The following SULF1 variants were observed in gnomAD, a reference collection of about 807,000 sequenced individuals.
The protein encoded by SULF1 is sulfatase 1, also known as extracellular sulfatase Sulf-1.
SULF1 carries 46 observed loss-of-function variants against 110.5 expected under a neutral mutation model. The ratio of observed to expected loss-of-function variants is 0.42; its 90% CI spans 0.33 to 0.53. SULF1 has a LOEUF of 0.53. Ranked by LOEUF, SULF1 falls within the 20% of genes least tolerant of loss-of-function variation. The pLI is 0.12. For missense variants in SULF1, 941 were observed against 1,094.2 expected (o/e 0.86, Z 1.98); for synonymous variants, 371 against 387.1 (o/e 0.96, Z 0.49).
At chr8:69,527,909 G>A (rs1001021214) in intron 3 of SULF1, among the ~76,000 whole-genome samples, 2 of 152,114 alleles carry the variant, frequency 1.3e-5, no homozygotes, top group African/African-American at 4.8e-5. Context: ...GAAATGAGAA[G>A]GAGGGAATCT....
At position 69,528,795 on chromosome 8, in the gene SULF1, T is replaced by TTTG. The variant is rs541688520; in HGVS notation, c.-134+26851_-134+26853dup. ...AAGATAGCTGAGGAACCACAGTGGG[T>TTTG]TTGTTGTTGTTGTTGTTGTTGTTGT... On this transcript the variant is annotated intron_variant, in intron 3 of 22. Transcript: ENST00000402687. Among the ~76,000 whole-genome samples the TTTG allele has an allele frequency of 4.5e-3, 680 of 151,756 alleles. 8 individuals carry two copies. The highest frequency in any genetic ancestry group is 0.014 in the African/African-American group (582 of 41,428).
chr8:69,595,518 A>G (rs888088620), intron 8 of SULF1, among the ~76,000 whole-genome samples: 4 of 152,244 alleles, frequency 2.6e-5, no homozygotes, highest in Non-Finnish European at 5.9e-5. Context: ...AAGTCCATTA[A>G]GTAAGTTCAG....
At chr8:69,589,962 C>G (rs1211364665) in intron 8 of SULF1, among the ~76,000 whole-genome samples, 1 of 152,140 alleles carries the variant, frequency 6.6e-6, no homozygotes, top group Non-Finnish European at 1.5e-5. Flanking sequence ...AGACAGGGAA[C>G]AGAAAATTGG....
chr8:69,609,418 A>AC (rs1186243142), intron 13 of SULF1, among the ~76,000 whole-genome samples: 2 of 152,148 alleles, frequency 1.3e-5, no homozygotes, highest in African/African-American at 4.8e-5. Flanking sequence ...ATGCTGATGC[A>AC]CCCCCCAGAC....
chr8:69,534,857 C>G (rs1182740379), intron 3 of SULF1, among the ~76,000 whole-genome samples: 1 of 137,616 alleles, frequency 7.3e-6, no homozygotes, highest in Non-Finnish European at 1.6e-5. Flanking sequence ...TGAATTAATA[C>G]TTAAAGGAAA....
chr8:69,656,210 T>C (rs1239725703), intron 22 of SULF1, among the ~76,000 whole-genome samples: 1 of 152,234 alleles, frequency 6.6e-6, no homozygotes, highest in African/African-American at 2.4e-5. Context: ...AGCACTGGTG[T>C]GTTGTGGTTT....
chr8:69,524,718 T>C (rs1812544604), intron 3 of SULF1, among the ~76,000 whole-genome samples: 1 of 152,222 alleles, frequency 6.6e-6, no homozygotes, highest in Non-Finnish European at 1.5e-5. Context: ...GAATAAATCA[T>C]TGCATTTTGT....
intron 6 of SULF1, among the ~76,000 whole-genome samples, chr8:69,583,151 ATGTTTCTCAGACTGGAGTC>A (rs574635955): frequency 1.0e-3 from 156 of 152,344 alleles, no homozygotes; most frequent in Non-Finnish European, 1.8e-3. Context: ...AAACATTGCC[ATGTTTCTCAGACTGGAGTC>A]TAGATTCTTT....
At chr8:69,499,388 A>G (rs1423262604) in intron 2 of SULF1, among the ~76,000 whole-genome samples, 3 of 152,234 alleles carry the variant, frequency 2.0e-5, no homozygotes, top group African/African-American at 7.2e-5. Flanking sequence ...AAACTAAAGA[A>G]TAAATTTGTT....
At chr8:69,645,340 A>C (rs934654078) in intron 22 of SULF1, among the ~76,000 whole-genome samples, 5 of 152,180 alleles carry the variant, frequency 3.3e-5, no homozygotes, top group Non-Finnish European at 7.4e-5. Context: ...ACTAAAGTAT[A>C]GCACGTGCAG....
intron 3 of SULF1, among the ~76,000 whole-genome samples, chr8:69,544,404 G>A (rs1190337843): frequency 6.6e-6 from 1 of 151,998 alleles, no homozygotes; most frequent in African/African-American, 2.4e-5. Context: ...GAGTAGCTGG[G>A]ATTACAGGCA....
At chr8:69,558,134 A>G (rs1815238700) in intron 3 of SULF1, among the ~76,000 whole-genome samples, 1 of 152,208 alleles carries the variant, frequency 6.6e-6, no homozygotes, top group Non-Finnish European at 1.5e-5. Context: ...CTCTAAAGAA[A>G]AGAAGTAATC....
Position 69,659,602 on chromosome 8 carries a change from A to C in SULF1, c.*1067A>C, listed in dbSNP as rs1432911330. 4.6e-6 allele frequency: 1 copy of C among 217,632 alleles called. No homozygotes were observed. Among genetic ancestry groups the C allele is most frequent in the Non-Finnish European group, 9.3e-6 (1 of 107,510 alleles). 13.5% of individuals were successfully genotyped at this position (217,632 alleles called of 1,614,324 possible). A position where few individuals can be genotyped will look rare whatever the true frequency, so the allele number is the denominator to read the frequency against. On this transcript the variant is annotated 3_prime_UTR_variant, in exon 23 of 23. Transcript: ENST00000402687. ...TGTACTAAAACAGTATTATCTTTTG[A>C]ATATCGTAGGGACATAAGTATATAC...
intron 8 of SULF1, among the ~76,000 whole-genome samples, chr8:69,598,393 G>A (rs1807513258): frequency 6.6e-6 from 1 of 151,972 alleles, no homozygotes; most frequent in Non-Finnish European, 1.5e-5. Context: ...GTTTTTTGTT[G>A]TTAGTGGTGG....
chr8:69,618,970 C>A (rs936447119), intron 13 of SULF1, among the ~76,000 whole-genome samples: 1 of 152,178 alleles, frequency 6.6e-6, no homozygotes, highest in African/African-American at 2.4e-5. Flanking sequence ...CAGTAGGACA[C>A]TTTGCAACCA....
chr8:69,569,330 A>G (rs1338449868), intron 5 of SULF1, among the ~76,000 whole-genome samples: 6 of 152,210 alleles, frequency 3.9e-5, no homozygotes, highest in Admixed American at 3.9e-4. Flanking sequence ...TTCAGAATTA[A>G]GCCAATATTT....
intron 3 of SULF1, among the ~76,000 whole-genome samples, chr8:69,507,330 C>T (rs4302851): frequency 6.6e-6 from 1 of 152,000 alleles, no homozygotes; most frequent in African/African-American, 2.4e-5. Context: ...TTGTATCGTG[C>T]TAGAGAATTT....
intron 3 of SULF1, among the ~76,000 whole-genome samples, chr8:69,542,629 A>G (rs1456323338): frequency 6.6e-6 from 1 of 152,134 alleles, no homozygotes; most frequent in Non-Finnish European, 1.5e-5. Context: ...TAAGTTTGAT[A>G]CAAATGATAT....
chr8:69,585,187 G>T (rs148872975), intron 6 of SULF1, among the ~76,000 whole-genome samples: 62 of 151,974 alleles, frequency 4.1e-4, no homozygotes, highest in African/African-American at 1.5e-3. Context: ...ATACATACAC[G>T]CACACATGCT....
Sources: allele counts gnomAD v4.1 joint callset (sites outside exome capture counted in the v4.1 genomes callset), GRCh38; gene constraint gnomAD v4.1.1; transcripts MANE v1.5; gene names NCBI Gene and HGNC (gene_info 2026-07-23, HGNC 2026-07-21).